Variants in GNA13 observed in about 807,000 individuals in gnomAD.
GNA13 encodes the protein G protein subunit alpha 13.
GNA13 carries 4 observed loss-of-function variants against 33.5 expected under a neutral mutation model. The observed-to-expected ratio is 0.12, with a 90% CI of 0.06 to 0.27. GNA13 has a LOEUF of 0.27. Ranked by LOEUF, GNA13 falls within the 10% of genes least tolerant of loss-of-function variation. GNA13 has a pLI of 1.00. For missense variants in GNA13, 319 were observed against 487.2 expected, an observed-to-expected ratio of 0.65 and a Z score of 3.25; for synonymous variants, 176 against 183.8, an observed-to-expected ratio of 0.96 and a Z score of 0.34.
intron 3 of GNA13, among the ~76,000 whole-genome samples, 186 bp from the exon 4 acceptor site, chr17:65,015,015 C>G (rs1598477997): frequency 6.6e-6 from 1 of 152,060 alleles, no homozygotes; most frequent in Non-Finnish European, 1.5e-5. Flanking sequence ...GCCTATAATC[C>G]CAGCACTTTG....
chr17:65,056,251 A>ACCCCCCCCC, intron 1 of GNA13, 60 bp downstream of exon 1: 62 of 740,620 alleles, frequency 8.4e-5, no homozygotes, highest in East Asian at 1.8e-4. Flanking sequence ...CCCGCCCCGC[A>ACCCCCCCCC]CCCGCCGCCG....
chr17:65,036,290 C>T (rs893268528), intron 2 of GNA13, among the ~76,000 whole-genome samples: 4 of 152,216 alleles, frequency 2.6e-5, no homozygotes, highest in Non-Finnish European at 5.9e-5. Flanking sequence ...CACATCAGCT[C>T]CTGTTTCCAA....
chr17:65,038,555 C>T (rs1907344303), intron 2 of GNA13, among the ~76,000 whole-genome samples: 2 of 152,260 alleles, frequency 1.3e-5, no homozygotes, highest in Non-Finnish European at 2.9e-5. Flanking sequence ...GGACCACAGG[C>T]ATACACCATC....
In GNA13 at chr17:65,053,718, C is replaced by T; in HGVS notation, c.294G>A (p.Val98=). 1 of 1,606,990 alleles carries T rather than the reference C, an allele frequency of 6.2e-7. No individual in the cohort carries two copies. The highest frequency in any genetic ancestry group is 1.1e-5 in the South Asian group (1 of 90,890). The change falls in exon 2 of 4, where the codon GTG becomes GTA. Residue 98 remains valine (V), a synonymous_variant. Coordinates refer to ENST00000439174, the MANE Select transcript of GNA13 (RefSeq NM_006572.6). The part of the protein sequence containing the change: ...IYSNVIKGMR[V]LVDAREKLHI... ...GAAGCTTCTCTCGAGCATCAACCAG[C>T]ACCCTCATACCTTTGTTTAAAAAGA...
intron 2 of GNA13, among the ~76,000 whole-genome samples, chr17:65,022,097 C>A (rs150948733): frequency 6.6e-6 from 1 of 152,108 alleles, no homozygotes; most frequent in Non-Finnish European, 1.5e-5. Flanking sequence ...TGTTTTTGTA[C>A]GGCTCATTTT....
Position 65,056,630 on chromosome 17 carries a change from G to C in GNA13, c.-37C>G. 3.8e-6 allele frequency: 6 copies of C among 1,579,344 alleles called. No individual in the cohort carries two copies. The highest frequency in any genetic ancestry group is 4.3e-6 in the Non-Finnish European group (5 of 1,165,238). ...CGCCGCCGCCTCGGCGGGCCCCTCC[G>C]GCTCCCTCCACCTCCTCCTCCGGCG... On this transcript the variant is annotated 5_prime_UTR_variant, in exon 1 of 4. Transcript: ENST00000439174.
At position 65,056,465 on chromosome 17, in the gene GNA13, G is replaced by A. The variant is rs1425656364; in HGVS notation, c.129C>T (p.Thr43=). The part of the protein sequence containing the change: ...EIDKCLSREK[T]YVKRLVKILL... Reference sequence around the variant, plus strand: ...GGATCTTCACCAGCCGCTTCACATAGGTCTTTTCCCGAGACAGGCATTTGT... The same window carrying A: ...GGATCTTCACCAGCCGCTTCACATAAGTCTTTTCCCGAGACAGGCATTTGT... Residue 43 remains threonine (T), a synonymous_variant, in exon 1 of 4, where the codon ACC becomes ACT. Transcript: ENST00000439174. 6.2e-7 allele frequency: 1 copy of A among 1,613,848 alleles called. No homozygotes were observed. Among genetic ancestry groups the A allele is most frequent in the East Asian group, 2.2e-5 (1 of 44,824 alleles).
chr17:65,016,756 C>T (rs986315246), intron 3 of GNA13, among the ~76,000 whole-genome samples: 1 of 152,224 alleles, frequency 6.6e-6, no homozygotes, highest in African/African-American at 2.4e-5. Flanking sequence ...GTTAGCTTTT[C>T]CATGTTTTCT....
chr17:65,036,643 T>C (rs1244648826), intron 2 of GNA13, among the ~76,000 whole-genome samples: 2 of 152,134 alleles, frequency 1.3e-5, no homozygotes, highest in Non-Finnish European at 2.9e-5. Flanking sequence ...AAGACAGAGG[T>C]TGGAGTGAGC....
intron 1 of GNA13, among the ~76,000 whole-genome samples, chr17:65,054,436 T>C (rs1907961106): frequency 6.6e-6 from 1 of 152,330 alleles, no homozygotes; most frequent in East Asian, 1.9e-4. Flanking sequence ...ACTTGGCTAT[T>C]AGGAAGTCAT....
intron 2 of GNA13, among the ~76,000 whole-genome samples, chr17:65,030,928 A>C: frequency 6.6e-6 from 1 of 152,214 alleles, no homozygotes; most frequent in East Asian, 1.9e-4. Context: ...GTGTCTTTTA[A>C]AAGTAAACAA....
chr17:65,055,045 C>A (rs1040809831), intron 1 of GNA13, among the ~76,000 whole-genome samples: 3 of 137,668 alleles, frequency 2.2e-5, no homozygotes, highest in African/African-American at 5.4e-5. Context: ...ACGCTGGAAG[C>A]TCGGGAGGCG....
At chr17:65,055,879 G>T in intron 1 of GNA13, 1 of 390,542 alleles carries the variant, frequency 2.6e-6, no homozygotes, top group Non-Finnish European at 3.5e-6. Context: ...GGGTAGCGAG[G>T]TTCGGCCCAC....
rs201253039 is a variant in GNA13 at position 65,053,610 on chromosome 17, T to G, written c.402A>C (p.Gln134His). The G allele has an allele frequency of 4.7e-5, 76 of 1,613,522 alleles. No homozygotes were observed. Among genetic ancestry groups the G allele is most frequent in the Admixed American group, 4.3e-4 (26 of 60,002 alleles). ...AGAAAACCCTTGTTTCCACCATTCC[T>G]TGGGCTGCCATGGGGGCCCGGGTAT... ...SFDTRAPMAA[Q>H]GMVETRVFLQ... Residue 134 changes from glutamine (Q) to histidine (H), a missense_variant, in exon 2 of 4, where the codon CAA becomes CAC. By Grantham distance (24) the Gln-to-His change is conservative. Around this residue, in one of 4 missense-constraint regions of GNA13, gnomAD observed 136 missense variants for 159.3 expected, o/e 0.85. Coordinates refer to ENST00000439174, the MANE Select transcript of GNA13 (RefSeq NM_006572.6).
At chr17:65,043,313 G>A (rs1907531647) in intron 2 of GNA13, among the ~76,000 whole-genome samples, 1 of 151,472 alleles carries the variant, frequency 6.6e-6, no homozygotes, top group African/African-American at 2.4e-5. Context: ...TTTGAGACAA[G>A]GTCTTGCTCT....
intron 2 of GNA13, among the ~76,000 whole-genome samples, chr17:65,025,014 A>T (rs113354833): frequency 6.6e-6 from 1 of 152,120 alleles, no homozygotes; most frequent in African/African-American, 2.4e-5. Flanking sequence ...CTCCCACTTC[A>T]GCCTCCAGCG....
At chr17:65,027,224 T>C (rs1906822012) in intron 2 of GNA13, among the ~76,000 whole-genome samples, 2 of 152,278 alleles carry the variant, frequency 1.3e-5, no homozygotes, top group South Asian at 4.1e-4. Context: ...TTCTCTTGCC[T>C]CAGAAATCCA....
intron 2 of GNA13, among the ~76,000 whole-genome samples, chr17:65,035,120 T>C (rs1907194898): frequency 6.6e-6 from 1 of 152,186 alleles, no homozygotes; most frequent in South Asian, 2.1e-4. Context: ...AGAAAGGAGT[T>C]TAATACTGCA....
At chr17:65,031,167 T>A (rs1159353053) in intron 2 of GNA13, among the ~76,000 whole-genome samples, 1 of 152,228 alleles carries the variant, frequency 6.6e-6, no homozygotes, top group East Asian at 1.9e-4. Context: ...GGCCTATTGC[T>A]TCTAGGCTAC....
Sources: allele counts gnomAD v4.1 joint callset (sites outside exome capture counted in the v4.1 genomes callset), GRCh38; gene constraint gnomAD v4.1.1; regional missense constraint gnomAD v4.1.1; transcripts MANE v1.5; gene names NCBI Gene and HGNC (gene_info 2026-07-23, HGNC 2026-07-21).